The following PLBD1 variants were observed in gnomAD, a reference collection of about 807,000 sequenced individuals.
The protein encoded by PLBD1 is phospholipase B domain containing 1.
In PLBD1, 60 loss-of-function variants were observed where a neutral mutation model predicts 63.0. The ratio of observed to expected loss-of-function variants is 0.95; its 90% CI spans 0.77 to 1.18. The LOEUF is 1.18. Among genes scored for constraint, PLBD1 ranks in the 50% most tolerant of loss-of-function variants. The pLI, the probability that PLBD1 is intolerant of heterozygous loss-of-function variation, is 0.00. For synonymous variants in PLBD1, 262 were observed against 248.0 expected, an observed-to-expected ratio of 1.06 and a Z score of -0.53; for missense variants, 598 against 677.9, an observed-to-expected ratio of 0.88 and a Z score of 1.31.
intron 1 of PLBD1, among the ~76,000 whole-genome samples, chr12:14,564,848 A>T (rs1472052343): frequency 6.6e-6 from 1 of 152,204 alleles, no homozygotes; most frequent in Non-Finnish European, 1.5e-5. Flanking sequence ...GATCAACTGA[A>T]ACTGACTCCA....
At chr12:14,559,266 T>A (rs1281173888) in intron 1 of PLBD1, among the ~76,000 whole-genome samples, 8 of 152,324 alleles carry the variant, frequency 5.3e-5, no homozygotes. Flanking sequence ...GACAAAATAA[T>A]GTTTCTTTGA....
chr12:14,557,498 A>C (rs1945714981), intron 1 of PLBD1, among the ~76,000 whole-genome samples: 2 of 152,222 alleles, frequency 1.3e-5, no homozygotes, highest in Admixed American at 1.3e-4. Flanking sequence ...GGATAAAATA[A>C]TGTGCTTTGC....
intron 2 of PLBD1, among the ~76,000 whole-genome samples, chr12:14,543,534 T>C (rs570599327): frequency 2.6e-5 from 4 of 152,216 alleles, no homozygotes; most frequent in Middle Eastern, 3.4e-3. Context: ...CTGGCCAACA[T>C]GGTGAAACCC....
At chr12:14,534,547 T>C (rs1592001756) in intron 6 of PLBD1, among the ~76,000 whole-genome samples, 1 of 139,584 alleles carries the variant, frequency 7.2e-6, no homozygotes, top group Admixed American at 7.0e-5. Context: ...TCTTTTCTTT[T>C]TTTTTTTTTT....
Position 14,563,010 on chromosome 12 carries a change from A to T in PLBD1, c.115+4572T>A, listed in dbSNP as rs552672080. Among the ~76,000 whole-genome samples the T allele has an allele frequency of 7.1e-3, 1,084 of 152,250 alleles. 10 individuals are homozygous for T. Among genetic ancestry groups the T allele is most frequent in the Admixed American group, 0.011 (165 of 15,292 alleles). On this transcript the variant is annotated intron_variant, in intron 1 of 10. Coordinates refer to ENST00000240617, the MANE Select transcript of PLBD1 (RefSeq NM_024829.6). ...AAATAAGCCACCATGAATTTTTTTT[A>T]AAAAAATTGTTTTACTTCAATGTAA... is the stretch of plus-strand genomic sequence containing the variant.
At chr12:14,506,393 G>GC (rs1945256591) in intron 9 of PLBD1, 125 bp from the exon 10 acceptor site, 1 of 657,388 alleles carries the variant, frequency 1.5e-6, no homozygotes, top group South Asian at 2.0e-5. Context: ...GGCCTCCTCA[G>GC]CCCAGTCTGC....
chr12:14,559,963 C>T (rs891806219), intron 1 of PLBD1, among the ~76,000 whole-genome samples: 33 of 151,838 alleles, frequency 2.2e-4, no homozygotes, highest in Admixed American at 1.2e-3. Flanking sequence ...CGGGTTCAAG[C>T]GATTCTCCTG....
rs138039190 is a variant in PLBD1 at position 14,555,246 on chromosome 12, A to G, written c.116-1834T>C. Among the ~76,000 whole-genome samples the G allele has an allele frequency of 1.4e-4, 22 of 152,264 alleles. No individual in the cohort carries two copies. In the East Asian group the frequency reaches 2.1e-3, roughly 15 times the overall value. On this transcript the variant is annotated intron_variant, in intron 1 of 10. Transcript: ENST00000240617. ...AATGTTCAATAGTTTCTATTTCTTA[A>G]AAGTTCTGCTGCTGGGAGCAGTGGC...
chr12:14,560,608 T>A (rs1336099178), intron 1 of PLBD1, among the ~76,000 whole-genome samples: 1 of 152,228 alleles, frequency 6.6e-6, no homozygotes, highest in African/African-American at 2.4e-5. Flanking sequence ...AATTGATACC[T>A]GGTTTTTGGA....
chr12:14,567,435 G>T, intron 1 of PLBD1, 147 bp downstream of exon 1: 1 of 1,176,784 alleles, frequency 8.5e-7, no homozygotes, highest in Non-Finnish European at 1.1e-6. Flanking sequence ...GCTGGAGCGA[G>T]ACCGCCGGCC....
chr12:14,539,002 T>C (rs1407583742), intron 4 of PLBD1, among the ~76,000 whole-genome samples: 2 of 151,978 alleles, frequency 1.3e-5, no homozygotes, highest in African/African-American at 2.4e-5. Flanking sequence ...GCCTGGGTGA[T>C]ATCGCGAGGC....
intron 2 of PLBD1, among the ~76,000 whole-genome samples, chr12:14,549,386 T>C (rs1945639465): frequency 6.6e-6 from 1 of 152,212 alleles, no homozygotes; most frequent in African/African-American, 2.4e-5. Context: ...GCCTTTGAGC[T>C]GCATCAAAGA....
chr12:14,506,851 G>T, intron 9 of PLBD1, 82 bp downstream of exon 9: 1 of 1,249,362 alleles, frequency 8.0e-7, no homozygotes, highest in Non-Finnish European at 1.1e-6. Context: ...CTAGTACAGA[G>T]ATGATAAACT....
rs758804884 is a variant in PLBD1, at chr12:14,506,279, G to A, written c.1373-11C>T. 1 of 1,558,326 alleles carries A rather than the reference G, an allele frequency of 6.4e-7. No individual in the cohort carries two copies. Among genetic ancestry groups the A allele is most frequent in the Admixed American group, 1.7e-5 (1 of 58,620 alleles). On this transcript the variant is annotated splice_polypyrimidine_tract_variant and intron_variant, in intron 9 of 10. Transcript: ENST00000240617. Reference sequence around the variant, plus strand: ...GATCCTTCTTATAATCTAGGAAACAGAAATGGGGAAGAGAGTGATTATTGG... The same window carrying A: ...GATCCTTCTTATAATCTAGGAAACAAAAATGGGGAAGAGAGTGATTATTGG...
intron 4 of PLBD1, among the ~76,000 whole-genome samples, chr12:14,539,713 G>A (rs1468054663): frequency 6.6e-6 from 1 of 151,288 alleles, no homozygotes; most frequent in Admixed American, 6.6e-5. Context: ...CTGAACCCAG[G>A]AGGCAGAGGT....
At chr12:14,527,116 ACTAC>A (rs1565574068) in intron 6 of PLBD1, among the ~76,000 whole-genome samples, 1 of 152,218 alleles carries the variant, frequency 6.6e-6, no homozygotes, top group South Asian at 2.1e-4. Context: ...GGTATGAACT[ACTAC>A]CGTATAAATT....
intron 6 of PLBD1, among the ~76,000 whole-genome samples, chr12:14,529,162 TCCAG>T (rs958500622): frequency 1.3e-5 from 2 of 151,888 alleles, no homozygotes; most frequent in African/African-American, 4.8e-5. Context: ...ACCACTGTAC[TCCAG>T]CCTGGGGGAC....
At chr12:14,511,136 T>C (rs1591993852) in intron 8 of PLBD1, 124 bp downstream of exon 8, 1 of 998,452 alleles carries the variant, frequency 1.0e-6, no homozygotes, top group South Asian at 1.7e-5. Flanking sequence ...TAATATAGCA[T>C]CCCCATCCTG....
intron 2 of PLBD1, among the ~76,000 whole-genome samples, chr12:14,550,443 T>C (rs745958059): frequency 2.0e-5 from 3 of 152,232 alleles, no homozygotes; most frequent in African/African-American, 4.8e-5. Flanking sequence ...GGCTGACTTA[T>C]ACGTGTCAAC....
Sources: gnomAD v4.1 joint callset for allele counts (sites outside exome capture counted in the v4.1 genomes callset) on GRCh38, gnomAD v4.1.1 for gene constraint, MANE v1.5 for transcripts, NCBI Gene and HGNC (gene_info 2026-07-23, HGNC 2026-07-21) for gene names.